The following ELAPOR2 variants were observed in gnomAD, a reference collection of about 807,000 sequenced individuals.
ELAPOR2 encodes endosome-lysosome associated apoptosis and autophagy regulator family member 2.
In ELAPOR2, 89 loss-of-function variants were observed where a neutral mutation model predicts 120.7. The observed-to-expected ratio is 0.74, with a 90% CI of 0.62 to 0.88. The LOEUF is 0.88. Ranked by LOEUF, ELAPOR2 falls within the 40% of genes least tolerant of loss-of-function variation. The probability of loss-of-function intolerance (pLI) is 0.00; values close to 1 mark genes in which losing one functional copy is unlikely to be tolerated. For missense variants in ELAPOR2, 1,134 were observed against 1,251.6 expected, an observed-to-expected ratio of 0.91 and a Z score of 1.42; for synonymous variants, 444 against 444.9, an observed-to-expected ratio of 1.00 and a Z score of 0.03.
chr7:87,031,116 TG>T (rs1201358638), intron 1 of ELAPOR2, among the ~76,000 whole-genome samples: 3 of 152,190 alleles, frequency 2.0e-5, no homozygotes, highest in African/African-American at 7.2e-5. Flanking sequence ...GTGGGAATTA[TG>T]GGAGCTACAA....
At position 86,926,893 on chromosome 7, in the gene ELAPOR2, T is replaced by C. The variant is rs767412537; in HGVS notation, c.1113A>G (p.Ile371Met). Residue 371 changes from isoleucine (I) to methionine (M), a missense_variant, in exon 9 of 22, where the codon ATA (isoleucine) becomes ATG (methionine). Physicochemically the swap from Ile to Met is conservative, Grantham distance 10 (BLOSUM62 1). Transcript: ENST00000450689. ...EGKTQIMYKWIEPKICREDLT... is the reference protein window; with the variant it reads ...EGKTQIMYKWMEPKICREDLT... Reference sequence around the variant, plus strand: ...GATCCTCCCGGCAGATTTTGGGCTCTATCCACTTGTACATTATCTGTGTCT... The same window carrying C: ...GATCCTCCCGGCAGATTTTGGGCTCCATCCACTTGTACATTATCTGTGTCT... 1.3e-6 allele frequency: 2 copies of C among 1,523,964 alleles called. No individual in the cohort carries two copies. Among genetic ancestry groups the C allele is most frequent in the Non-Finnish European group, 1.8e-6 (2 of 1,134,084 alleles). 94.4% of individuals were successfully genotyped at this position (1,523,964 alleles called of 1,614,324 possible).
intron 21 of ELAPOR2, among the ~76,000 whole-genome samples, chr7:86,883,680 T>G (rs1473177800): frequency 6.6e-6 from 1 of 152,218 alleles, no homozygotes; most frequent in Non-Finnish European, 1.5e-5. Flanking sequence ...TATGAAGTTC[T>G]ATAACAGATA....
intron 7 of ELAPOR2, 75 bp downstream of exon 7, chr7:86,938,733 G>A (rs1790673948): frequency 2.0e-6 from 3 of 1,496,092 alleles, no homozygotes; most frequent in Non-Finnish European, 2.8e-6. Flanking sequence ...CTTTATGGGT[G>A]ACTTCTGGTT....
In ELAPOR2 at chr7:86,980,194, C is replaced by T. The variant is rs183310330; in HGVS notation, c.190-15170G>A. Among the ~76,000 whole-genome samples the T allele has an allele frequency of 8.7e-4, 133 of 152,262 alleles. No homozygotes were observed. The Middle Eastern group carries it at 0.017, about 19-fold the overall frequency. On this transcript the variant is annotated intron_variant, in intron 1 of 21. Coordinates refer to ENST00000450689, the MANE Select transcript of ELAPOR2 (RefSeq NM_001142749.3). ...CAAAAAAGGTAATAAAACTCTGGTA[C>T]GTTTTAGAATAAATAGTGCCTTTGA...
intron 10 of ELAPOR2, among the ~76,000 whole-genome samples, chr7:86,923,258 T>C (rs563915647): frequency 1.3e-5 from 2 of 152,078 alleles, no homozygotes; most frequent in African/African-American, 4.8e-5. Context: ...TAGTAGTTTT[T>C]TGTGTTGCTC....
At chr7:86,965,697 C>T in intron 1 of ELAPOR2, 1 of 421,794 alleles carries the variant, frequency 2.4e-6, no homozygotes, top group Non-Finnish European at 3.2e-6. Flanking sequence ...GGTCAGAGCA[C>T]ATTACACATA....
At chr7:86,950,918 A>G (rs1253326035) in intron 2 of ELAPOR2, among the ~76,000 whole-genome samples, 1 of 152,248 alleles carries the variant, frequency 6.6e-6, no homozygotes, top group African/African-American at 2.4e-5. Context: ...GCATATAACA[A>G]ATGCTCATTA....
chr7:87,023,357 C>A (rs1369873276), intron 1 of ELAPOR2, among the ~76,000 whole-genome samples: 3 of 152,216 alleles, frequency 2.0e-5, no homozygotes, highest in East Asian at 3.9e-4. Flanking sequence ...TCAGGTTTGT[C>A]AAAGATCAGA....
intron 5 of ELAPOR2, among the ~76,000 whole-genome samples, 153 bp downstream of exon 5, chr7:86,941,865 T>C (rs895047165): frequency 6.6e-6 from 1 of 151,858 alleles, no homozygotes; most frequent in Non-Finnish European, 1.5e-5. Flanking sequence ...CCAGAAATCA[T>C]CTAAATTAAT....
At chr7:86,978,326 A>G (rs1792350068) in intron 1 of ELAPOR2, among the ~76,000 whole-genome samples, 1 of 152,212 alleles carries the variant, frequency 6.6e-6, no homozygotes, top group Non-Finnish European at 1.5e-5. Flanking sequence ...CCAGTCTCAG[A>G]TATTTCTTCA....
At chr7:86,911,084 GAA>G (rs1789285943) in intron 15 of ELAPOR2, among the ~76,000 whole-genome samples, 1 of 152,030 alleles carries the variant, frequency 6.6e-6, no homozygotes. Context: ...GAGGTGAAGA[GAA>G]GAGAAGGTGG....
At chr7:86,927,279 T>A (rs377301187) in intron 8 of ELAPOR2, among the ~76,000 whole-genome samples, 8 of 152,022 alleles carry the variant, frequency 5.3e-5, no homozygotes, top group African/African-American at 1.9e-4. Context: ...CTTTTTCATT[T>A]TGAGACTTCC....
chr7:86,887,023 T>C (rs1325683944), intron 21 of ELAPOR2, among the ~76,000 whole-genome samples: 6 of 152,148 alleles, frequency 3.9e-5, no homozygotes, highest in Non-Finnish European at 7.4e-5. Context: ...ATAAACTTCA[T>C]TATATTTTTC....
At chr7:86,948,017 T>C in intron 2 of ELAPOR2, 95 bp from the exon 3 acceptor site, 3 of 827,902 alleles carry the variant, frequency 3.6e-6, no homozygotes, top group South Asian at 1.8e-5. Flanking sequence ...AAAACTCTGA[T>C]TGTGCCACAC....
At chr7:87,040,405 A>G (rs1794742498) in intron 1 of ELAPOR2, among the ~76,000 whole-genome samples, 1 of 152,242 alleles carries the variant, frequency 6.6e-6, no homozygotes. Flanking sequence ...TGGTTCTCCC[A>G]GCACGCAGCT....
At chr7:86,901,775 G>A (rs1351293902) in intron 18 of ELAPOR2, among the ~76,000 whole-genome samples, 2 of 152,116 alleles carry the variant, frequency 1.3e-5, no homozygotes, top group Non-Finnish European at 2.9e-5. Flanking sequence ...TATTCAGACT[G>A]GCATTAGTGC....
chr7:86,893,244 G>T, intron 19 of ELAPOR2, 144 bp from the exon 20 acceptor site: 2 of 560,800 alleles, frequency 3.6e-6, no homozygotes, highest in South Asian at 3.0e-5. Flanking sequence ...TAGGCATAGA[G>T]GATTATTCAG....
intron 9 of ELAPOR2, among the ~76,000 whole-genome samples, chr7:86,926,477 G>A (rs1405339423): frequency 2.0e-5 from 3 of 151,902 alleles, no homozygotes; most frequent in African/African-American, 7.3e-5. Context: ...GGGGGACATA[G>A]ATTCAAATCC....
chr7:86,969,060 AT>A (rs990356564), intron 1 of ELAPOR2, among the ~76,000 whole-genome samples: 48 of 152,300 alleles, frequency 3.2e-4, no homozygotes, highest in Admixed American at 2.4e-3. Context: ...GTAAGGAAAA[AT>A]TACCCTTCCA....
Sources: allele counts gnomAD v4.1 joint callset (sites outside exome capture counted in the v4.1 genomes callset), GRCh38; gene constraint gnomAD v4.1.1; transcripts MANE v1.5; gene names NCBI Gene and HGNC (gene_info 2026-07-23, HGNC 2026-07-21).